HYAL1: variants seen among roughly 807,000 people sequenced by gnomAD.
The protein encoded by HYAL1 is hyaluronidase-1.
HYAL1 carries 21 observed loss-of-function variants against 28.8 expected under a neutral mutation model. The observed-to-expected ratio is 0.73, with a 90% confidence interval of 0.52 to 1.05. The LOEUF (loss-of-function observed/expected upper bound fraction) is 1.05. HYAL1 is among the 50% of genes least tolerant of loss of function. The pLI is 0.00. For synonymous variants in HYAL1, 200 were observed against 230.1 expected (o/e 0.87, Z 1.18); for missense variants, 491 against 579.2 (o/e 0.85, Z 1.56).
At chr3:50,304,296 A>AATATAT (rs1175956843), upstream of HYAL1, among the ~76,000 whole-genome samples, 115 of 30,310 alleles carry the variant, frequency 3.8e-3, no homozygotes, top group South Asian at 6.6e-3. Context: ...AAAAAAAAAA[A>AATATAT]ATATATATAT....
rs781872534 is a variant in HYAL1 at position 50,301,051 on chromosome 3, C to A, written c.927G>T (p.Glu309Asp). The part of the protein sequence containing the change: ...PLDELEHSLG[E>D]SAAQGAAGVV... ...CTCCAGCTGCCCCCTGGGCCGCACT[C>A]TCCCCCAGGCTGTGCTCCAGCTCAT... Residue 309 changes from glutamate to aspartate, a missense_variant, in exon 3 of 4, where the codon GAG becomes GAT. Physicochemically the swap from Glu to Asp is conservative, Grantham distance 45 (BLOSUM62 2). Coordinates refer to ENST00000395144, the MANE Select transcript of HYAL1 (RefSeq NM_033159.4). 1.2e-6 allele frequency: 2 copies of A among 1,613,152 alleles called. No homozygotes were observed. The highest frequency in any genetic ancestry group is 2.2e-5 in the South Asian group (2 of 91,038).
rs782203268 is a variant in HYAL1, at chr3:50,302,079, G to A, written c.878C>T (p.Thr293Met). The A allele has an allele frequency of 2.0e-5, 33 of 1,614,114 alleles. No individual in the cohort carries two copies. The East Asian group carries it at 5.6e-4, about 27-fold the overall frequency. Residue 293 changes from threonine (T) to methionine (M), a missense_variant, in exon 2 of 4, where the codon ACG becomes ATG. By Grantham distance (81) the Thr-to-Met change is moderately conservative (BLOSUM62 -1). Transcript: ENST00000395144. The surrounding 1 kb of genome is among the most constrained non-coding windows in gnomAD (Gnocchi z 5.0). ...VLPYVQIFYD[T>M]TNHFLPLDEL... ...CACCAGGGGCAGAAAGTGGTTTGTC[G>A]TGTCATAGAAGATCTGGACATAGGG...
chr3:50,300,501 C>T lies in HYAL1; in HGVS notation c.1290G>A (p.Glu430=), dbSNP rs147678727. 1.2e-6 allele frequency: 2 copies of T among 1,614,242 alleles called. No homozygotes were observed. The highest frequency in any genetic ancestry group is 2.2e-5 in the East Asian group (1 of 44,888). Residue 430 remains glutamate (E), a synonymous_variant, in exon 4 of 4, where the codon GAG becomes GAA. Coordinates refer to ENST00000395144, the MANE Select transcript of HYAL1 (RefSeq NM_033159.4). The part of the protein sequence containing the change: ...CYPGWQAPWC[E]RKSMW ...TGGCCAATCACCACATGCTCTTCCG[C>T]TCACACCACGGTGCCTGCCAGCCAG... is the stretch of plus-strand genomic sequence containing the variant.
chr3:50,305,064 C>T (rs1399903928), upstream of HYAL1, among the ~76,000 whole-genome samples: 1 of 152,214 alleles, frequency 6.6e-6, no homozygotes, highest in East Asian at 1.9e-4. Context: ...CATCCTTTTG[C>T]TTACAGACAT....
At chr3:50,304,333 A>ATATATATATATATATATG (rs1702293567), upstream of HYAL1, among the ~76,000 whole-genome samples, 1 of 110,574 alleles carries the variant, frequency 9.0e-6, no homozygotes, top group Non-Finnish European at 1.9e-5. Flanking sequence ...ATATATATAT[A>ATATATATATATATATATG]TATATGGCTA....
In HYAL1 at chr3:50,311,292, C is replaced by T. The variant is rs1236398762; in HGVS notation, c.-310+972G>A. Among the ~76,000 whole-genome samples, 28 of 136,608 alleles carry T rather than the reference C, an allele frequency of 2.0e-4. 1 individual carries two copies. Among genetic ancestry groups the T allele is most frequent in the Admixed American group, 5.0e-4 (7 of 14,098 alleles). The allele number at this position is 136,608 out of a possible 152,430, so 89.6% of individuals were successfully genotyped here. ...CTGACCCCCCAACCTCCTTCCCGGA[C>T]GGGGCGGCTGGCCGGGCGGGGGGCT... On this transcript the variant is annotated intron_variant, in intron 1 of 5. Transcript: ENST00000320295.
intron 1 of HYAL1, among the ~76,000 whole-genome samples, chr3:50,311,080 ATTGTCATC>A (rs1702437415): frequency 6.6e-6 from 1 of 151,996 alleles, no homozygotes; most frequent in Non-Finnish European, 1.5e-5. Flanking sequence ...CAAAACCGCC[ATTGTCATC>A]ATGGCCCGTT....
rs587730558 is a variant in HYAL1 at position 50,310,459 on chromosome 3, G to A, written c.-309-682C>T. Reference sequence around the variant, plus strand: ...TTTTTTGTATTTTTAATAGAGATGGGGTTTCACCGTGTTAGCCAGAATGGT... The same window carrying A: ...TTTTTTGTATTTTTAATAGAGATGGAGTTTCACCGTGTTAGCCAGAATGGT... On this transcript the variant is annotated intron_variant, in intron 1 of 5. Transcript: ENST00000320295. Among the ~76,000 whole-genome samples the A allele has an allele frequency of 2.7e-3, 413 of 150,412 alleles. 7 individuals are homozygous for A. The highest frequency in any genetic ancestry group is 5.0e-3 in the Non-Finnish European group (338 of 67,826).
At chr3:50,300,939 T>TGGGG in intron 3 of HYAL1, 49 bp downstream of exon 3, 76 of 959,240 alleles carry the variant, frequency 7.9e-5, no homozygotes, top group Non-Finnish European at 1.2e-4. Context: ...GTCAGCTTAA[T>TGGGG]GGCCCCACCC....
exon 2 of HYAL1, chr3:50,309,736 C>T (rs1702409662): frequency 6.6e-6 from 1 of 150,732 alleles, no homozygotes; most frequent in Non-Finnish European, 1.5e-5. Flanking sequence ...TTTGGGAGGC[C>T]AACGCGGGAG....
Position 50,302,808 on chromosome 3 carries a change from T to C in HYAL1, c.149A>G (p.Asp50Gly). 6.2e-7 allele frequency: 1 copy of C among 1,614,064 alleles called. No homozygotes were observed. The highest frequency in any genetic ancestry group is 8.5e-7 in the Non-Finnish European group (1 of 1,180,018). Residue 50 changes from aspartate (D) to glycine (G), a missense_variant, in exon 2 of 4, where the codon GAC (aspartate) becomes GGC (glycine). Physicochemically the swap from Asp to Gly is moderately conservative, Grantham distance 94. Transcript: ENST00000395144. This position sits in a 1 kb window ranked among gnomAD's most constrained non-coding sequence, Gnocchi z 5.0. ...TQWCLERHGV[D>G]VDVSVFDVVA... ...CACATCGAAGACACTGACATCCACGTCCACACCGTGCCTCTCCAGGCACCA... is the reference window on the plus strand; with the variant it reads ...CACATCGAAGACACTGACATCCACGCCCACACCGTGCCTCTCCAGGCACCA...
chr3:50,309,946 T>C (rs1553714532), intron 1 of HYAL1, among the ~76,000 whole-genome samples: 1 of 151,484 alleles, frequency 6.6e-6, no homozygotes, highest in African/African-American at 2.5e-5. Flanking sequence ...ATTCCTCTTA[T>C]GGGACAAAAT....
chr3:50,310,441 T>C (rs1489428085), intron 1 of HYAL1, among the ~76,000 whole-genome samples: 2 of 150,204 alleles, frequency 1.3e-5, no homozygotes, highest in African/African-American at 5.0e-5. Flanking sequence ...TTTTTTTTTG[T>C]ATTTTTAATA....
upstream of HYAL1, among the ~76,000 whole-genome samples, chr3:50,305,227 T>C (rs1174179162): frequency 1.3e-5 from 2 of 152,130 alleles, no homozygotes; most frequent in Admixed American, 6.5e-5. Context: ...GGACAGAGCT[T>C]ATGTACTTCT....
intron 1 of HYAL1, among the ~76,000 whole-genome samples, chr3:50,310,672 A>G (rs1702427556): frequency 6.8e-6 from 1 of 147,840 alleles, no homozygotes; most frequent in Non-Finnish European, 1.5e-5. Flanking sequence ...GGGTCACAGG[A>G]CAATAGTGGA....
At chr3:50,311,850 C>T (rs1374095676) in intron 1 of HYAL1, among the ~76,000 whole-genome samples, 6 of 147,174 alleles carry the variant, frequency 4.1e-5, no homozygotes, top group Admixed American at 6.7e-5. Flanking sequence ...GGGGGGCTGA[C>T]CCCCCCACCT....
Position 50,303,135 on chromosome 3 carries a change from C to A in HYAL1, c.-24-155G>T, listed in dbSNP as rs143778450. ...GGGCTCCAGGAGGGCAGGGGAGACG[C>A]ATGGAGGGGAGCATGGCCACTGGAG... On this transcript the variant is annotated intron_variant, in intron 1 of 3. Transcript: ENST00000395144. 5.8e-4 allele frequency: 358 copies of A among 615,216 alleles called. 4 individuals carry two copies. In the East Asian group the frequency reaches 9.8e-3, roughly 17 times the overall value. 38.1% of individuals were successfully genotyped at this position (615,216 alleles called of 1,614,324 possible).
chr3:50,310,035 A>G (rs1246616694), intron 1 of HYAL1, among the ~76,000 whole-genome samples: 1 of 151,416 alleles, frequency 6.6e-6, no homozygotes, highest in Non-Finnish European at 1.5e-5. Flanking sequence ...ATTTGTCTTT[A>G]GTAAAATGGG....
rs1177731078 is a variant in HYAL1, at chr3:50,301,974, G to A, written c.900+83C>T. On this transcript the variant is annotated intron_variant, in intron 2 of 3. Transcript: ENST00000395144. Reference sequence around the variant, plus strand: ...TCAAAAAAAAAAAAACGAAGAAAATGTCCCAAAGCTAAAGTACCCCAAGGC... The same window carrying A: ...TCAAAAAAAAAAAAACGAAGAAAATATCCCAAAGCTAAAGTACCCCAAGGC... 3.0e-5 allele frequency: 38 copies of A among 1,261,706 alleles called. 1 individual carries two copies. In the Admixed American group the frequency reaches 3.3e-4, roughly 11 times the overall value. The allele number at this position is 1,261,706 out of a possible 1,614,324, so 78.2% of individuals were successfully genotyped here.
Sources: allele counts gnomAD v4.1 joint callset (sites outside exome capture counted in the v4.1 genomes callset), GRCh38; gene constraint gnomAD v4.1.1; non-coding constraint Gnocchi (gnomAD v3.1); transcripts MANE v1.5; gene names NCBI Gene and HGNC (gene_info 2026-07-23, HGNC 2026-07-21).